Variants in LARP1B observed in about 807,000 individuals in gnomAD.
The protein encoded by LARP1B is la-related protein 1B.
In LARP1B, 76 loss-of-function variants were observed where a neutral mutation model predicts 114.2. That is an observed-to-expected ratio of 0.67 (90% CI 0.55 to 0.81). The LOEUF is 0.81. Among genes scored for constraint, LARP1B ranks in the 30% least tolerant of loss-of-function variants. The pLI is 0.00. For missense variants in LARP1B, 1,014 were observed against 1,075.8 expected, an observed-to-expected ratio of 0.94 and a Z score of 0.80; for synonymous variants, 345 against 348.0, an observed-to-expected ratio of 0.99 and a Z score of 0.10.
chr4:128,199,525 C>CTGA lies in LARP1B; in HGVS notation c.2091_2092insGAT (p.Pro697_Ser698insAsp). ...CATTCATTCCCAAAGTTCCAGCATC[C>CTGA]TTCTCATGAACTTTTGAAGGAAAAT... is the stretch of plus-strand genomic sequence containing the variant. On this transcript the variant is annotated inframe_insertion, in exon 16 of 20. Transcript: ENST00000326639. 6.2e-7 allele frequency: 1 copy of CTGA among 1,602,996 alleles called. No homozygotes were observed. The highest frequency in any genetic ancestry group is 8.5e-7 in the Non-Finnish European group (1 of 1,173,906).
chr4:128,161,327 C>G (rs918586418), intron 11 of LARP1B, among the ~76,000 whole-genome samples: 1 of 152,028 alleles, frequency 6.6e-6, no homozygotes, highest in South Asian at 2.1e-4. Context: ...AGGTCAGGGC[C>G]GGAAACACTT....
chr4:128,134,310 A>AT (rs1305044095), intron 11 of LARP1B, among the ~76,000 whole-genome samples: 5 of 152,046 alleles, frequency 3.3e-5, no homozygotes, highest in South Asian at 2.1e-4. Context: ...TGGGTAAATG[A>AT]TTTTTTTGAC....
intron 12 of LARP1B, among the ~76,000 whole-genome samples, chr4:128,173,571 A>T (rs1232882587): frequency 1.3e-5 from 2 of 152,160 alleles, no homozygotes; most frequent in East Asian, 3.8e-4. Context: ...GTAGTGATAA[A>T]ATTTGGAAAA....
chr4:128,173,267 C>T (rs1009418941), intron 12 of LARP1B, among the ~76,000 whole-genome samples: 6 of 152,194 alleles, frequency 3.9e-5, no homozygotes, highest in South Asian at 4.1e-4. Flanking sequence ...TATGGCCTCT[C>T]GCTGTTTTTA....
chr4:128,123,474 CT>C (rs1181219649), intron 11 of LARP1B: 1 of 756,068 alleles, frequency 1.3e-6, no homozygotes, highest in African/African-American at 1.9e-5. Context: ...TTCTCTATCC[CT>C]TTACCCAGCT....
At position 128,091,400 on chromosome 4, in the gene LARP1B, C is replaced by G. The variant is rs539263797; in HGVS notation, c.556C>G (p.Pro186Ala). ...AGAACATGGTGAAAGGACTGATCAA[C>G]CATTTCAAACAGAACTTAATACCAG... ...YQEHGERTDQPFQTELNTSMM... is the reference protein window; with the variant it reads ...YQEHGERTDQAFQTELNTSMM... Residue 186 changes from proline (P) to alanine (A), a missense_variant, in exon 7 of 20, where the codon CCA (proline) becomes GCA (alanine). Transcript: ENST00000326639. The G allele has an allele frequency of 9.3e-6, 15 of 1,612,080 alleles. No individual in the cohort carries two copies. The Admixed American group carries it at 1.2e-4, about 13-fold the overall frequency.
intron 15 of LARP1B, among the ~76,000 whole-genome samples, chr4:128,197,877 T>A (rs1754741395): frequency 6.9e-6 from 1 of 145,884 alleles, no homozygotes; most frequent in Admixed American, 6.9e-5. Context: ...AAAACGATTG[T>A]AGCTTTTTTT....
rs891985690 is a variant in LARP1B at position 128,125,505 on chromosome 4, C to T, written c.1524+3317C>T. ...GCTCACGCCTGTAATCCCAGCACTT[C>T]GGGAGGCCGATGTGGGTGGATCACG... On this transcript the variant is annotated intron_variant, in intron 11 of 19. Transcript: ENST00000326639. Among the ~76,000 whole-genome samples the T allele has an allele frequency of 3.5e-4, 53 of 152,194 alleles. 1 individual carries two copies. Among genetic ancestry groups the T allele is most frequent in the Non-Finnish European group, 1.8e-4 (12 of 68,022 alleles).
At chr4:128,067,763 G>A (rs1029554877) in intron 1 of LARP1B, among the ~76,000 whole-genome samples, 13 of 151,450 alleles carry the variant, frequency 8.6e-5, no homozygotes, top group African/African-American at 2.7e-4. Context: ...CGCTCAAGCT[G>A]GAGTGCAATG....
intron 8 of LARP1B, among the ~76,000 whole-genome samples, chr4:128,106,078 C>A (rs1299703843): frequency 1.3e-5 from 2 of 151,524 alleles, no homozygotes; most frequent in East Asian, 3.9e-4. Flanking sequence ...GGCTGGAGTC[C>A]AGTGGCGCCA....
chr4:128,220,472 C>A (rs1328927200), intron 7 of LARP1B: 2 of 291,844 alleles, frequency 6.9e-6, no homozygotes, highest in Non-Finnish European at 1.0e-5. Context: ...AGACCTCTTA[C>A]TCCATCTTGT....
rs1441775659 is a variant in LARP1B at position 128,111,010 on chromosome 4, A to G, written c.989-3560A>G. Reference sequence around the variant, plus strand: ...AGGATACTTGAGCCCAGGAGTTCCAAGGCCAGACTGGGTGACATACCAAAA... The same window carrying G: ...AGGATACTTGAGCCCAGGAGTTCCAGGGCCAGACTGGGTGACATACCAAAA... On this transcript the variant is annotated intron_variant, in intron 9 of 19. Transcript: ENST00000326639. 4.0e-5 allele frequency among the ~76,000 whole-genome samples: 6 copies of G among 151,358 alleles called. No individual in the cohort carries two copies. In the East Asian group the frequency reaches 1.2e-3, roughly 30 times the overall value.
At chr4:128,068,968 G>A (rs977398315) in intron 1 of LARP1B, 1 of 627,494 alleles carries the variant, frequency 1.6e-6, no homozygotes, top group Non-Finnish European at 2.7e-6. Context: ...AGACATGATT[G>A]TCCTAAATTG....
At chr4:128,184,128 A>G (rs975735980) in intron 15 of LARP1B, among the ~76,000 whole-genome samples, 8 of 152,216 alleles carry the variant, frequency 5.3e-5, no homozygotes, top group African/African-American at 1.9e-4. Context: ...ATATTATATA[A>G]AGCAGTGGCA....
At chr4:128,190,338 A>G (rs1482304020) in intron 15 of LARP1B, among the ~76,000 whole-genome samples, 1 of 150,968 alleles carries the variant, frequency 6.6e-6, no homozygotes, top group African/African-American at 2.4e-5. Context: ...ATGTTCTTTT[A>G]TTTTTTTTCT....
At chr4:128,188,995 A>G (rs938846082) in intron 15 of LARP1B, among the ~76,000 whole-genome samples, 1 of 152,166 alleles carries the variant, frequency 6.6e-6, no homozygotes, top group Admixed American at 6.5e-5. Context: ...TGTTCTATAA[A>G]TGTCACTAGG....
chr4:128,081,231 A>G (rs1399080490), intron 4 of LARP1B, among the ~76,000 whole-genome samples: 2 of 151,818 alleles, frequency 1.3e-5, no homozygotes, highest in East Asian at 3.9e-4. Context: ...GGCATGTGCC[A>G]CCATGCCTGG....
chr4:128,141,693 G>A (rs1447446569), intron 11 of LARP1B, among the ~76,000 whole-genome samples: 1 of 152,126 alleles, frequency 6.6e-6, no homozygotes, highest in Non-Finnish European at 1.5e-5. Flanking sequence ...GTATTTGAGA[G>A]AACATTTCCA....
rs753246881 is a variant in LARP1B at position 128,162,266 on chromosome 4, C to T, written c.1597C>T (p.Pro533Ser). 1 of 1,613,194 alleles carries T rather than the reference C, an allele frequency of 6.2e-7. No individual in the cohort carries two copies. The highest frequency in any genetic ancestry group is 1.1e-5 in the South Asian group (1 of 91,036). ...EQFENLTPEL[P>S]FEPNQEVPVA... ...GTTTGAAAACCTAACACCTGAACTT[C>T]CTTTTGAGCCAAACCAAGAAGTTCC... The change falls in exon 12 of 20, where the codon CCT (proline) becomes TCT (serine). Residue 533 changes from proline (P) to serine (S), a missense_variant. Physicochemically the swap from Pro to Ser is moderately conservative, Grantham distance 74. Transcript: ENST00000326639.
Sources: gnomAD v4.1 joint callset for allele counts (sites outside exome capture counted in the v4.1 genomes callset) on GRCh38, gnomAD v4.1.1 for gene constraint, MANE v1.5 for transcripts, NCBI Gene and HGNC (gene_info 2026-07-23, HGNC 2026-07-21) for gene names.